Variants in CNGB1 observed in about 807,000 individuals in gnomAD.
The protein encoded by CNGB1 is cyclic nucleotide-gated channel beta-1.
CNGB1 carries 126 observed loss-of-function variants against 151.7 expected under a neutral mutation model. The ratio of observed to expected loss-of-function variants is 0.83; its 90% CI spans 0.72 to 0.96. The LOEUF (loss-of-function observed/expected upper bound fraction) is 0.96, where lower values mean the gene tolerates loss of function less well. Ranked by LOEUF, CNGB1 falls within the 40% of genes least tolerant of loss-of-function variation. The probability of loss-of-function intolerance (pLI) is 0.00; values close to 1 mark genes in which losing one functional copy is unlikely to be tolerated. For synonymous variants in CNGB1, 623 were observed against 635.1 expected (o/e 0.98, Z 0.29); for missense variants, 1,698 against 1,627.0 (o/e 1.04, Z -0.75).
intron 12 of CNGB1, chr16:57,955,197 G>A (rs1007089757): frequency 2.9e-5 from 45 of 1,526,134 alleles, no homozygotes; most frequent in Admixed American, 5.9e-5. Context: ...CTGCCTGGGA[G>A]TGTGTGGAGA....
chr16:57,912,778 T>G (rs1960759795), intron 24 of CNGB1, 152 bp downstream of exon 24: 5 of 757,226 alleles, frequency 6.6e-6, no homozygotes, highest in South Asian at 6.1e-5. Flanking sequence ...TTGAATGTTG[T>G]GTGTGCATGT....
chr16:57,942,496 A>C (rs1308928129), intron 14 of CNGB1, among the ~76,000 whole-genome samples: 1 of 152,212 alleles, frequency 6.6e-6, no homozygotes, highest in Non-Finnish European at 1.5e-5. Context: ...AAATAAAATA[A>C]AATGCTTAGG....
intron 14 of CNGB1, among the ~76,000 whole-genome samples, chr16:57,942,862 CA>C (rs77562880): frequency 0.015 from 1,579 of 105,848 alleles, 12 homozygotes; most frequent in African/African-American, 0.023. Flanking sequence ...GACCCTGTCT[CA>C]AAAAAAAAAA....
intron 20 of CNGB1, 57 bp downstream of exon 20, chr16:57,919,042 C>G: frequency 6.2e-7 from 1 of 1,613,106 alleles, no homozygotes; most frequent in Non-Finnish European, 8.5e-7. Flanking sequence ...CCATCCCGCT[C>G]CAACTCTCCT....
chr16:57,926,708 T>G lies in CNGB1; in HGVS notation c.1536-3328A>C, dbSNP rs920517104. Among the ~76,000 whole-genome samples the G allele has an allele frequency of 2.6e-5, 4 of 152,128 alleles. No individual in the cohort carries two copies. The East Asian group carries it at 5.8e-4, about 22-fold the overall frequency. On this transcript the variant is annotated intron_variant, in intron 17 of 32. Transcript: ENST00000251102. ...GAAAGTGCACACTGCCGCTGGATGC[T>G]GTGGCTTACACCCGTAATCCCAACA... is the stretch of plus-strand genomic sequence containing the variant.
rs189756740 is a variant in CNGB1, at chr16:57,944,744, C to T, written c.1122-4423G>A. On this transcript the variant is annotated intron_variant, in intron 14 of 32. Coordinates refer to ENST00000251102, the MANE Select transcript of CNGB1 (RefSeq NM_001297.5). ...TCGAGGTGGGCGGATCACTTGAGGTCAGAAGTTTGAGACCAGCCTGGCCAA... is the reference window on the plus strand; with the variant it reads ...TCGAGGTGGGCGGATCACTTGAGGTTAGAAGTTTGAGACCAGCCTGGCCAA... Among the ~76,000 whole-genome samples, 671 of 151,660 alleles carry T rather than the reference C, an allele frequency of 4.4e-3. 5 individuals carry two copies. Among genetic ancestry groups the T allele is most frequent in the African/African-American group, 0.015 (632 of 41,370 alleles).
Position 57,935,112 on chromosome 16 carries a change from C to A in CNGB1, c.1373-3234G>T, listed in dbSNP as rs559281386. ...CCAGAGAGGAAGTCTCGGGTCGGTG[C>A]CACTGTGGCCTTAGAGCCTCTCTCA... On this transcript the variant is annotated intron_variant, in intron 16 of 32. Coordinates refer to ENST00000251102, the MANE Select transcript of CNGB1 (RefSeq NM_001297.5). Among the ~76,000 whole-genome samples the A allele has an allele frequency of 2.8e-3, 422 of 152,048 alleles. 3 individuals are homozygous for A. Among genetic ancestry groups the A allele is most frequent in the African/African-American group, 9.5e-3 (396 of 41,482 alleles).
intron 23 of CNGB1, among the ~76,000 whole-genome samples, chr16:57,913,527 C>T (rs533798156): frequency 1.3e-5 from 2 of 152,212 alleles, no homozygotes; most frequent in South Asian, 2.1e-4. Flanking sequence ...GTCACTCAGG[C>T]TGGAGTGCAG....
chr16:57,884,222 G>GGCTCC lies in CNGB1; in HGVS notation c.3693_3697dup (p.Pro1233ArgfsTer10), dbSNP rs745700231. ...CTTCACCGACAGGATCTGCTCTCCC[G>GGCTCC]GCTCCGGGCCCGGGCTCATGCAGAT... On this transcript the variant is annotated frameshift_variant, in exon 33 of 33. Coordinates refer to ENST00000251102, the MANE Select transcript of CNGB1 (RefSeq NM_001297.5). LOFTEE classifies it low-confidence loss of function (END_TRUNC). 6 of 1,613,808 alleles carry GGCTCC rather than the reference G, an allele frequency of 3.7e-6. No homozygotes were observed. In the African/African-American group the frequency reaches 8.0e-5, roughly 22 times the overall value.
chr16:57,955,309 A>G, intron 12 of CNGB1: 2 of 1,551,652 alleles, frequency 1.3e-6, no homozygotes, highest in Non-Finnish European at 1.7e-6. Flanking sequence ...CCATGTGTCC[A>G]TCTGAGCTCT....
chr16:57,894,524 C>G (rs1416104894), intron 31 of CNGB1, among the ~76,000 whole-genome samples: 1 of 152,074 alleles, frequency 6.6e-6, no homozygotes, highest in African/African-American at 2.4e-5. Context: ...TCACCTGAAC[C>G]CGGGAGGTGG....
intron 21 of CNGB1, 127 bp from the exon 22 acceptor site, chr16:57,916,306 G>GATGGT: frequency 2.1e-6 from 2 of 936,212 alleles, no homozygotes; most frequent in Non-Finnish European, 3.5e-6. Flanking sequence ...GACCATCTGA[G>GATGGT]CCTTGGTGAA....
Position 57,887,857 on chromosome 16 carries a change from G to A in CNGB1, c.3460C>T (p.Gln1154Ter). 6.2e-7 allele frequency: 1 copy of A among 1,614,018 alleles called. No homozygotes were observed. Among genetic ancestry groups the A allele is most frequent in the South Asian group, 1.1e-5 (1 of 91,070 alleles). The change falls in exon 32 of 33, where the codon CAG (glutamine) becomes TAG (stop). Residue 1154 changes from glutamine to a stop codon, truncating the protein, a stop_gained and splice_region_variant. Coordinates refer to ENST00000251102, the MANE Select transcript of CNGB1 (RefSeq NM_001297.5). LOFTEE classifies it low-confidence loss of function (END_TRUNC). ...AAAKQQELVEQAKSSQDVKGE... is the reference protein window; with the variant it reads ...AAAKQQELVE ...GGCTGGGTTCCCAACCACATTACCT[G>A]TTCCACCAACTCTTGCTGCTTTGCA... is the stretch of plus-strand genomic sequence containing the variant.
intron 16 of CNGB1, among the ~76,000 whole-genome samples, chr16:57,933,130 G>C (rs192139165): frequency 1.3e-5 from 2 of 152,130 alleles, no homozygotes; most frequent in Admixed American, 6.5e-5. Flanking sequence ...GTCTCACCAT[G>C]TTGCCCAGGC....
At chr16:57,889,258 C>T (rs1217969987) in intron 31 of CNGB1, among the ~76,000 whole-genome samples, 1 of 152,216 alleles carries the variant, frequency 6.6e-6, no homozygotes, top group Non-Finnish European at 1.5e-5. Context: ...CTGCCATGGC[C>T]TCGCAAAGTG....
At chr16:57,966,248 C>T (rs548358602) in intron 2 of CNGB1, among the ~76,000 whole-genome samples, 13 of 152,336 alleles carry the variant, frequency 8.5e-5, no homozygotes, top group Non-Finnish European at 1.2e-4. Context: ...CACGTTCCCT[C>T]CTCTCCACCT....
intron 16 of CNGB1, among the ~76,000 whole-genome samples, chr16:57,933,593 C>A (rs1181924920): frequency 1.3e-5 from 2 of 152,170 alleles, no homozygotes; most frequent in Admixed American, 6.5e-5. Context: ...GGGGGGTCTA[C>A]CCAATAGCAG....
intron 14 of CNGB1, among the ~76,000 whole-genome samples, chr16:57,942,615 G>A (rs1452046571): frequency 3.9e-5 from 6 of 152,038 alleles, no homozygotes; most frequent in African/African-American, 9.7e-5. Context: ...CTGTAATCTC[G>A]GCATTTTGAG....
At chr16:57,935,849 C>A (rs543883699) in intron 16 of CNGB1, among the ~76,000 whole-genome samples, 1 of 151,802 alleles carries the variant, frequency 6.6e-6, no homozygotes, top group South Asian at 2.1e-4. Flanking sequence ...AGATGGAGGC[C>A]GGGGTGGCAC....
Sources: allele counts gnomAD v4.1 joint callset (sites outside exome capture counted in the v4.1 genomes callset), GRCh38; gene constraint gnomAD v4.1.1; transcripts MANE v1.5; gene names NCBI Gene and HGNC (gene_info 2026-07-23, HGNC 2026-07-21).